IFT46: variants seen among roughly 807,000 people sequenced by gnomAD.
IFT46 encodes the protein intraflagellar transport protein 46 homolog.
Under a neutral mutation model 39.6 loss-of-function variants are expected in IFT46, and 19 were observed. The ratio of observed to expected loss-of-function variants is 0.48; its 90% CI spans 0.33 to 0.70. The LOEUF (loss-of-function observed/expected upper bound fraction) is 0.70. Ranked by LOEUF, IFT46 falls within the 30% of genes least tolerant of loss-of-function variation. The pLI is 0.01. For missense variants in IFT46, 334 were observed against 364.8 expected (o/e 0.92, Z 0.69); for synonymous variants, 117 against 134.8 (o/e 0.87, Z 0.91).
At chr11:118,570,659 T>C (rs1938318559), upstream of IFT46, among the ~76,000 whole-genome samples, 1 of 152,180 alleles carries the variant, frequency 6.6e-6, no homozygotes, top group Admixed American at 6.6e-5. Flanking sequence ...AAATTTGGCA[T>C]ACAAGAAATA....
Position 118,554,463 on chromosome 11 carries a change from ATGT to A in IFT46, c.476_478del (p.Asn159del). 3.1e-6 allele frequency: 5 copies of A among 1,607,214 alleles called. No individual in the cohort carries two copies. The South Asian group carries it at 5.6e-5, about 18-fold the overall frequency. On this transcript the variant is annotated inframe_deletion, in exon 7 of 12. Coordinates refer to ENST00000264021, the MANE Select transcript of IFT46 (RefSeq NM_001168618.2). ...TATACTAAGCTAGTATCTTACTGTG[ATGT>A]TGTGCTGCTTAGAATTCTCTGTTAA...
At chr11:118,572,240 G>C in intron 1 of IFT46, 1 of 421,444 alleles carries the variant, frequency 2.4e-6, no homozygotes, top group Non-Finnish European at 4.3e-6. Flanking sequence ...GACAGTGAAA[G>C]GGGAGAGATA....
chr11:118,557,787 T>A, intron 3 of IFT46: 1 of 1,614,126 alleles, frequency 6.2e-7, no homozygotes, highest in Non-Finnish European at 8.5e-7. Context: ...CTCAAGTACA[T>A]GAGAAGGGGT....
At chr11:118,558,120 T>C (rs1378526876) in intron 3 of IFT46, among the ~76,000 whole-genome samples, 1 of 147,434 alleles carries the variant, frequency 6.8e-6, no homozygotes. Context: ...ATACATAAAG[T>C]ATATTCTAAC....
upstream of IFT46, among the ~76,000 whole-genome samples, chr11:118,568,752 T>C (rs1201665970): frequency 1.3e-5 from 2 of 150,024 alleles, no homozygotes; most frequent in African/African-American, 4.9e-5. Flanking sequence ...CTGCTATCTC[T>C]GCCTCGGGGT....
intron 9 of IFT46, among the ~76,000 whole-genome samples, chr11:118,547,470 G>A (rs1555067430): frequency 6.6e-6 from 1 of 152,184 alleles, no homozygotes; most frequent in East Asian, 1.9e-4. Context: ...CCAGACTGGA[G>A]TGCAGTGGCA....
At chr11:118,555,648 G>A (rs1296541528) in intron 4 of IFT46, 6 of 240,568 alleles carry the variant, frequency 2.5e-5, no homozygotes, top group East Asian at 1.2e-4. Context: ...AGGGCTGGGC[G>A]TGGTGGCTCA....
rs1565350285 is a variant in IFT46, at chr11:118,560,444, A to AG, written c.-35-581dup. 475 of 64,670 alleles carry AG rather than the reference A, an allele frequency of 7.3e-3. 19 individuals carry two copies. Among genetic ancestry groups the AG allele is most frequent in the Admixed American group, 0.021 (110 of 5,190 alleles). 4.0% of individuals were successfully genotyped at this position (64,670 alleles called of 1,614,324 possible). A position where few individuals can be genotyped will look rare whatever the true frequency, so the allele number is the denominator to read the frequency against. ...CTGTCAGAAACGGAATGGGAGGGGA[A>AG]GGGAGGGGAGGGGAGGGGAGGGGAG... On this transcript the variant is annotated intron_variant, in intron 2 of 11. Coordinates refer to ENST00000264021, the MANE Select transcript of IFT46 (RefSeq NM_001168618.2).
intron 7 of IFT46, among the ~76,000 whole-genome samples, chr11:118,554,245 C>T (rs1329872238): frequency 2.6e-5 from 4 of 151,852 alleles, no homozygotes; most frequent in Non-Finnish European, 4.4e-5. Context: ...TTAGTAGAGA[C>T]GGGGTTTCAC....
upstream of IFT46, chr11:118,566,021 A>T (rs1398726891): frequency 6.6e-6 from 1 of 152,214 alleles, no homozygotes; most frequent in East Asian, 1.9e-4. Context: ...CGCAGGAAGA[A>T]GATCAAGGAG....
rs1310692933 is a variant in IFT46, at chr11:118,544,590, C to A, written c.*326G>T. ...CACTAACTTTACGAATGAAAGAAAA[C>A]AATTCCATCCCTCTCACAAAAAGGA... On this transcript the variant is annotated 3_prime_UTR_variant, in exon 12 of 12. Coordinates refer to ENST00000264021, the MANE Select transcript of IFT46 (RefSeq NM_001168618.2). The A allele has an allele frequency of 7.5e-6, 2 of 267,940 alleles. No individual in the cohort carries two copies. Among genetic ancestry groups the A allele is most frequent in the Admixed American group, 4.9e-5 (1 of 20,418 alleles). The allele number at this position is 267,940 out of a possible 1,614,324, so 16.6% of individuals were successfully genotyped here.
chr11:118,561,125 G>A (rs1938042358), intron 2 of IFT46: 1 of 1,480,294 alleles, frequency 6.8e-7, no homozygotes, highest in Non-Finnish European at 9.3e-7. Flanking sequence ...CTGCTATTTG[G>A]ATACAGGTCT....
intron 2 of IFT46, chr11:118,560,512 C>A (rs368808139): frequency 3.2e-5 from 6 of 185,990 alleles, no homozygotes; most frequent in Non-Finnish European, 6.6e-5. Context: ...TACACTCTGC[C>A]CTTAGTTTAC....
chr11:118,564,013 C>A (rs1402589486), intron 2 of IFT46, among the ~76,000 whole-genome samples: 1 of 150,906 alleles, frequency 6.6e-6, no homozygotes, highest in Non-Finnish European at 1.5e-5. Context: ...ACCAGCCTGG[C>A]CAACATGGTG....
At chr11:118,549,117 T>TTGAACTCC (rs1489958309) in intron 9 of IFT46, among the ~76,000 whole-genome samples, 69 of 151,818 alleles carry the variant, frequency 4.5e-4, no homozygotes, top group Non-Finnish European at 1.2e-4. Context: ...CAGGCTGGTC[T>TTGAACTCC]TGAACTCCTG....
At position 118,545,460 on chromosome 11, in the gene IFT46, G is replaced by A; in HGVS notation, c.768C>T (p.Ile256=). 6.2e-7 allele frequency: 1 copy of A among 1,613,740 alleles called. No individual in the cohort carries two copies. Among genetic ancestry groups the A allele is most frequent in the South Asian group, 1.1e-5 (1 of 91,070 alleles). ...GGGAAAAGAGCAGATGGAGGGACTGGATCCGACTCTTGTAGACAGGGATGT... is the reference window on the plus strand; with the variant it reads ...GGGAAAAGAGCAGATGGAGGGACTGAATCCGACTCTTGTAGACAGGGATGT... ...ILDIPVYKSR[I]QSLHLLFSLY... The change falls in exon 11 of 12, where the codon ATC becomes ATT. Residue 256 remains isoleucine, a synonymous_variant. Coordinates refer to ENST00000264021, the MANE Select transcript of IFT46 (RefSeq NM_001168618.2).
chr11:118,549,096 G>A (rs1405129991), intron 9 of IFT46, among the ~76,000 whole-genome samples: 1 of 151,416 alleles, frequency 6.6e-6, no homozygotes, highest in African/African-American at 2.4e-5. Flanking sequence ...ACGGGGTTTT[G>A]CCATGTTGGC....
chr11:118,563,576 C>T (rs1206233550), intron 2 of IFT46, among the ~76,000 whole-genome samples: 2 of 152,124 alleles, frequency 1.3e-5, no homozygotes, highest in African/African-American at 2.4e-5. Flanking sequence ...TTATTCTCAG[C>T]TTCCTCACCA....
intron 9 of IFT46, among the ~76,000 whole-genome samples, chr11:118,549,331 C>G (rs1182009350): frequency 6.6e-6 from 1 of 151,474 alleles, no homozygotes; most frequent in East Asian, 1.9e-4. Flanking sequence ...TATGAGCTAC[C>G]GTGCCTGGCC....
Sources: allele counts gnomAD v4.1 joint callset (sites outside exome capture counted in the v4.1 genomes callset), GRCh38; gene constraint gnomAD v4.1.1; transcripts MANE v1.5; gene names NCBI Gene and HGNC (gene_info 2026-07-23, HGNC 2026-07-21).